Variants in ADGRG7 observed in about 807,000 individuals in gnomAD.
ADGRG7 encodes the protein G-protein coupled receptor 128.
Under a neutral mutation model 88.6 loss-of-function variants are expected in ADGRG7, and 82 were observed. The observed-to-expected ratio is 0.93, with a 90% confidence interval of 0.77 to 1.11. The LOEUF (loss-of-function observed/expected upper bound fraction) is 1.11, where lower values mean the gene tolerates loss of function less well. ADGRG7 is among the 50% of genes most tolerant of loss of function. The pLI is 0.00. For missense variants in ADGRG7, 945 were observed against 953.4 expected (o/e 0.99, Z 0.12); for synonymous variants, 381 against 345.2 (o/e 1.10, Z -1.15).
rs964409480 is a variant in ADGRG7, at chr3:100,614,984, T to G, written c.115+5013T>G. Among the ~76,000 whole-genome samples, 3 of 152,202 alleles carry G rather than the reference T, an allele frequency of 2.0e-5. No homozygotes were observed. In the South Asian group the frequency reaches 6.2e-4, roughly 31 times the overall value. On this transcript the variant is annotated intron_variant, in intron 1 of 15. Transcript: ENST00000273352. Reference sequence around the variant, plus strand: ...TATAGGAAAATTATTATTATCATACTGATGTTATAAAAGAAAAATATTGCT... The same window carrying G: ...TATAGGAAAATTATTATTATCATACGGATGTTATAAAAGAAAAATATTGCT...
chr3:100,673,493 G>C (rs535733665), intron 15 of ADGRG7, among the ~76,000 whole-genome samples: 2 of 147,794 alleles, frequency 1.4e-5, no homozygotes, highest in Non-Finnish European at 3.0e-5. Context: ...ACAGAGTCTC[G>C]GTCTGTCATG....
intron 1 of ADGRG7, among the ~76,000 whole-genome samples, chr3:100,612,699 G>T (rs1221706588): frequency 1.3e-5 from 2 of 152,096 alleles, no homozygotes; most frequent in East Asian, 3.9e-4. Flanking sequence ...CACCTCTTCT[G>T]GTTCGTAGAA....
chr3:100,689,958 A>C (rs1278072004), intron 15 of ADGRG7, among the ~76,000 whole-genome samples: 3 of 152,186 alleles, frequency 2.0e-5, no homozygotes, highest in East Asian at 1.9e-4. Context: ...TGGATAATAT[A>C]CTGCAGAGTG....
chr3:100,682,239 T>G (rs895504354), intron 15 of ADGRG7, among the ~76,000 whole-genome samples: 2 of 151,990 alleles, frequency 1.3e-5, no homozygotes, highest in African/African-American at 4.8e-5. Flanking sequence ...GGGAGAGCAG[T>G]GCAGTCGGGC....
At chr3:100,661,509 C>T (rs751861218) in intron 14 of ADGRG7, among the ~76,000 whole-genome samples, 11 of 152,072 alleles carry the variant, frequency 7.2e-5, no homozygotes, top group Non-Finnish European at 1.5e-4. Flanking sequence ...AGACTGAAAC[C>T]ACAGCTTAAG....
At chr3:100,623,898 G>A (rs549928066) in intron 1 of ADGRG7, among the ~76,000 whole-genome samples, 4 of 152,120 alleles carry the variant, frequency 2.6e-5, no homozygotes, top group South Asian at 4.1e-4. Context: ...TTTTATGGCT[G>A]CATAGTATTT....
chr3:100,624,839 T>A (rs891584319), intron 1 of ADGRG7, among the ~76,000 whole-genome samples: 5 of 152,118 alleles, frequency 3.3e-5, no homozygotes, highest in African/African-American at 1.2e-4. Context: ...GAAGATCAGA[T>A]GTTTGTAGAT....
At position 100,661,897 on chromosome 3, in the gene ADGRG7, T is replaced by C. The variant is rs116188977; in HGVS notation, c.1979+2054T>C. Among the ~76,000 whole-genome samples the C allele has an allele frequency of 8.3e-3, 1,270 of 152,254 alleles. 13 individuals carry two copies. Among genetic ancestry groups the C allele is most frequent in the African/African-American group, 0.018 (745 of 41,550 alleles). Reference sequence around the variant, plus strand: ...AAGATTTGTCCAGAAATGTTTGAAATACATCCTCACAGAAGTTGTAATGGC... The same window carrying C: ...AAGATTTGTCCAGAAATGTTTGAAACACATCCTCACAGAAGTTGTAATGGC... On this transcript the variant is annotated intron_variant, in intron 14 of 15. Coordinates refer to ENST00000273352, the MANE Select transcript of ADGRG7 (RefSeq NM_032787.3).
chr3:100,665,916 C>T (rs2094951095), intron 14 of ADGRG7, among the ~76,000 whole-genome samples: 1 of 152,148 alleles, frequency 6.6e-6, no homozygotes, highest in Non-Finnish European at 1.5e-5. Flanking sequence ...TTCATGTGTT[C>T]AGTAGCTACA....
intron 15 of ADGRG7, among the ~76,000 whole-genome samples, chr3:100,690,441 G>A (rs545770625): frequency 1.8e-4 from 28 of 152,132 alleles, no homozygotes; most frequent in African/African-American, 4.6e-4. Flanking sequence ...GAGGAGAGGC[G>A]CTCTGATCTT....
chr3:100,645,156 G>A (rs1017653373), intron 8 of ADGRG7, among the ~76,000 whole-genome samples: 8 of 152,204 alleles, frequency 5.3e-5, no homozygotes, highest in East Asian at 3.8e-4. Context: ...TACTGTTGAC[G>A]CTTCTGCTGT....
intron 1 of ADGRG7, among the ~76,000 whole-genome samples, chr3:100,610,500 T>C (rs1427283846): frequency 6.6e-6 from 1 of 152,142 alleles, no homozygotes; most frequent in South Asian, 2.1e-4. Context: ...AGGAAACTAA[T>C]CAAAAATTTA....
chr3:100,634,304 T>C (rs1024311056), intron 4 of ADGRG7, among the ~76,000 whole-genome samples: 2 of 152,244 alleles, frequency 1.3e-5, no homozygotes, highest in Non-Finnish European at 2.9e-5. Context: ...ATAAAACTTC[T>C]GTGAGTTGAA....
At chr3:100,646,196 G>A in intron 9 of ADGRG7, 88 bp downstream of exon 9, 1 of 468,378 alleles carries the variant, frequency 2.1e-6, no homozygotes, top group Non-Finnish European at 3.9e-6. Flanking sequence ...AGTAATACAG[G>A]GGAAGAAGAG....
chr3:100,635,797 T>C lies in ADGRG7; in HGVS notation c.568T>C (p.Phe190Leu), dbSNP rs1193764432. The C allele has an allele frequency of 2.5e-6, 4 of 1,613,318 alleles. No homozygotes were observed. Among genetic ancestry groups the C allele is most frequent in the East Asian group, 4.5e-5 (2 of 44,846 alleles). ...TGCTACGCGAGTGGTTGGACAGATA[T>C]TCAACACTTCCAGAAATGCTTCACC... The part of the protein sequence containing the change: ...TSATRVVGQI[F>L]NTSRNASPEA... The change falls in exon 5 of 16, where the codon TTC (phenylalanine) becomes CTC (leucine). Residue 190 changes from phenylalanine to leucine, a missense_variant. Transcript: ENST00000273352.
intron 6 of ADGRG7, among the ~76,000 whole-genome samples, chr3:100,642,089 G>A (rs1408212017): frequency 6.6e-6 from 1 of 152,212 alleles, no homozygotes; most frequent in Non-Finnish European, 1.5e-5. Flanking sequence ...CCCTGTAAAA[G>A]TGGGAACATG....
intron 15 of ADGRG7, among the ~76,000 whole-genome samples, chr3:100,673,367 G>A (rs1334276729): frequency 6.6e-6 from 1 of 151,666 alleles, no homozygotes; most frequent in Non-Finnish European, 1.5e-5. Flanking sequence ...GGTTTTTATA[G>A]TACTCTCTGA....
chr3:100,620,212 G>A (rs1376260395), intron 1 of ADGRG7, among the ~76,000 whole-genome samples: 1 of 152,164 alleles, frequency 6.6e-6, no homozygotes, highest in Non-Finnish European at 1.5e-5. Context: ...TATCCACCAT[G>A]ATCAAGTGGG....
At chr3:100,640,376 GGA>G (rs1707620500) in intron 6 of ADGRG7, among the ~76,000 whole-genome samples, 1 of 152,166 alleles carries the variant, frequency 6.6e-6, no homozygotes, top group Admixed American at 6.5e-5. Flanking sequence ...AGGGAGAAGA[GGA>G]GAGGGTGAGA....
Sources: allele counts gnomAD v4.1 joint callset (sites outside exome capture counted in the v4.1 genomes callset), GRCh38; gene constraint gnomAD v4.1.1; transcripts MANE v1.5; gene names NCBI Gene and HGNC (gene_info 2026-07-23, HGNC 2026-07-21).